Variants in PLPP4 observed in about 807,000 individuals in gnomAD.
PLPP4 encodes the protein phospholipid phosphatase 4.
PLPP4 carries 20 observed loss-of-function variants against 32.2 expected under a neutral mutation model. The ratio of observed to expected loss-of-function variants is 0.62; its 90% CI spans 0.44 to 0.90. The LOEUF is 0.90. Ranked by LOEUF, PLPP4 falls within the 40% of genes least tolerant of loss-of-function variation. The pLI, the probability that PLPP4 is intolerant of heterozygous loss-of-function variation, is 0.00. For synonymous variants in PLPP4, 127 were observed against 133.0 expected (o/e 0.95, Z 0.31); for missense variants, 257 against 353.1 (o/e 0.73, Z 2.18).
chr10:120,481,596 A>G (rs1844208595), intron 1 of PLPP4, among the ~76,000 whole-genome samples: 1 of 152,134 alleles, frequency 6.6e-6, no homozygotes, highest in Non-Finnish European at 1.5e-5. Flanking sequence ...GCTTTATACA[A>G]CTGGGTCCTT....
At chr10:120,519,908 G>GCAGTA (rs1846081917) in intron 4 of PLPP4, among the ~76,000 whole-genome samples, 1 of 152,336 alleles carries the variant, frequency 6.6e-6, no homozygotes, top group Admixed American at 6.5e-5. Flanking sequence ...TTCAAGTGAG[G>GCAGTA]CAGTAAAGCA....
chr10:120,563,922 T>C (rs1473494604), intron 5 of PLPP4, among the ~76,000 whole-genome samples: 2 of 152,002 alleles, frequency 1.3e-5, no homozygotes, highest in Non-Finnish European at 2.9e-5. Context: ...ATTTATTTCA[T>C]TGGTCTTTTC....
At chr10:120,528,068 C>CTTT (rs1564817488) in intron 5 of PLPP4, among the ~76,000 whole-genome samples, 1 of 120,272 alleles carries the variant, frequency 8.3e-6, no homozygotes, top group African/African-American at 3.4e-5. Flanking sequence ...TACCACTCTC[C>CTTT]GTTTTTTTTT....
chr10:120,473,807 C>T (rs925060861), intron 1 of PLPP4, among the ~76,000 whole-genome samples: 5 of 152,114 alleles, frequency 3.3e-5, no homozygotes, highest in South Asian at 2.1e-4. Context: ...ACGATGTGCT[C>T]GCTTCCCCTT....
intron 2 of PLPP4, among the ~76,000 whole-genome samples, chr10:120,505,027 T>C (rs1404887810): frequency 2.0e-5 from 3 of 152,250 alleles, no homozygotes; most frequent in Non-Finnish European, 4.4e-5. Context: ...TTGTAACCTT[T>C]TACATTTCAC....
intron 1 of PLPP4, among the ~76,000 whole-genome samples, chr10:120,491,656 C>T (rs925234278): frequency 6.6e-6 from 1 of 152,152 alleles, no homozygotes; most frequent in Non-Finnish European, 1.5e-5. Flanking sequence ...TTTTACAGAA[C>T]TTCTTGATGT....
chr10:120,531,084 TTTC>T (rs1297495866), intron 5 of PLPP4, among the ~76,000 whole-genome samples: 5 of 117,332 alleles, frequency 4.3e-5, no homozygotes, highest in Non-Finnish European at 8.3e-5. Context: ...TGCCTGTCAT[TTTC>T]TTTTTTTTTT....
chr10:120,528,463 T>C (rs1296944883), intron 5 of PLPP4, among the ~76,000 whole-genome samples: 3 of 152,232 alleles, frequency 2.0e-5, no homozygotes, highest in Non-Finnish European at 2.9e-5. Flanking sequence ...GCCATGTGTC[T>C]GAGGTCACCT....
chr10:120,578,932 A>G (rs1399842157), intron 6 of PLPP4, among the ~76,000 whole-genome samples: 5 of 152,222 alleles, frequency 3.3e-5, no homozygotes, highest in African/African-American at 1.2e-4. Flanking sequence ...GTGATTAACA[A>G]TGTGTTTAGC....
intron 1 of PLPP4, among the ~76,000 whole-genome samples, chr10:120,500,535 A>G (rs781292786): frequency 6.6e-6 from 1 of 151,988 alleles, no homozygotes; most frequent in Non-Finnish European, 1.5e-5. Context: ...TGGAGATGAC[A>G]CCCCACAACT....
At chr10:120,491,072 A>G (rs1844697733) in intron 1 of PLPP4, among the ~76,000 whole-genome samples, 1 of 151,998 alleles carries the variant, frequency 6.6e-6, no homozygotes, top group Non-Finnish European at 1.5e-5. Flanking sequence ...CTGCTTTCCC[A>G]TTGGGAAATT....
At chr10:120,477,413 C>T (rs1231471071) in intron 1 of PLPP4, among the ~76,000 whole-genome samples, 4 of 150,432 alleles carry the variant, frequency 2.7e-5, no homozygotes, top group Admixed American at 2.6e-4. Flanking sequence ...AAGTTGTGCT[C>T]CAGAAAGAAG....
chr10:120,505,102 C>G (rs1194167713), intron 2 of PLPP4, among the ~76,000 whole-genome samples: 2 of 152,270 alleles, frequency 1.3e-5, no homozygotes, highest in East Asian at 3.8e-4. Context: ...TTCCACCCAG[C>G]ATCCCAGTGA....
chr10:120,549,102 A>G (rs1023084689), intron 5 of PLPP4, among the ~76,000 whole-genome samples: 2 of 151,226 alleles, frequency 1.3e-5, no homozygotes, highest in African/African-American at 2.4e-5. Context: ...TATTATTATT[A>G]TTGTTATTTA....
intron 5 of PLPP4, among the ~76,000 whole-genome samples, chr10:120,539,448 T>C (rs979122363): frequency 6.6e-6 from 1 of 152,166 alleles, no homozygotes. Context: ...AGTGGGCCCC[T>C]TGTAACTGCT....
intron 6 of PLPP4, among the ~76,000 whole-genome samples, chr10:120,586,363 C>G (rs371941477): frequency 2.1e-4 from 32 of 150,922 alleles, no homozygotes; most frequent in African/African-American, 7.1e-4. Flanking sequence ...AGGCTGGTCT[C>G]AAACTCCTGA....
intron 1 of PLPP4, among the ~76,000 whole-genome samples, chr10:120,493,209 G>C (rs1205494257): frequency 6.6e-6 from 1 of 152,076 alleles, no homozygotes; most frequent in Non-Finnish European, 1.5e-5. Context: ...TGTCTCTTCG[G>C]GCTCTTGTAA....
intron 5 of PLPP4, among the ~76,000 whole-genome samples, chr10:120,574,648 C>T (rs1376654268): frequency 6.6e-6 from 1 of 152,194 alleles, no homozygotes; most frequent in Non-Finnish European, 1.5e-5. Context: ...TGGGGCTGAT[C>T]CTAGCCCCTT....
At chr10:120,547,450 G>A (rs558197972) in intron 5 of PLPP4, among the ~76,000 whole-genome samples, 22 of 152,222 alleles carry the variant, frequency 1.4e-4, no homozygotes, top group Non-Finnish European at 2.4e-4. Context: ...TTTAAAAATT[G>A]ATATTTTGGA....
Sources: allele counts gnomAD v4.1 joint callset (sites outside exome capture counted in the v4.1 genomes callset), GRCh38; gene constraint gnomAD v4.1.1; transcripts MANE v1.5; gene names NCBI Gene and HGNC (gene_info 2026-07-23, HGNC 2026-07-21).